The following DDHD1 variants were observed in gnomAD, a reference collection of about 807,000 sequenced individuals.
The protein encoded by DDHD1 is DDHD domain containing 1.
DDHD1 carries 49 observed loss-of-function variants against 96.4 expected under a neutral mutation model. The ratio of observed to expected loss-of-function variants is 0.51; its 90% CI spans 0.40 to 0.64. The LOEUF (loss-of-function observed/expected upper bound fraction) is 0.64. Among genes scored for constraint, DDHD1 ranks in the 30% least tolerant of loss-of-function variants. The pLI, the probability that DDHD1 is intolerant of heterozygous loss-of-function variation, is 0.00. For synonymous variants in DDHD1, 442 were observed against 446.5 expected (o/e 0.99, Z 0.13); for missense variants, 1,106 against 1,161.2 (o/e 0.95, Z 0.69).
rs147097867 is a variant in DDHD1 at position 53,133,927 on chromosome 14, G to A, written c.838+18334C>T. 3.9e-4 allele frequency among the ~76,000 whole-genome samples: 60 copies of A among 152,192 alleles called. No homozygotes were observed. The East Asian group carries it at 7.0e-3, about 18-fold the overall frequency. Reference sequence around the variant, plus strand: ...ATCTATAGTACCCCAACTGCCGTCCGCCTACAGGACCCTCCCCATTGGGTT... The same window carrying A: ...ATCTATAGTACCCCAACTGCCGTCCACCTACAGGACCCTCCCCATTGGGTT... On this transcript the variant is annotated intron_variant, in intron 1 of 12. Transcript: ENST00000673822.
intron 2 of DDHD1, among the ~76,000 whole-genome samples, chr14:53,095,288 C>A (rs1886795506): frequency 6.6e-6 from 1 of 152,090 alleles, no homozygotes; most frequent in Non-Finnish European, 1.5e-5. Context: ...TACAAAAATA[C>A]AGAGGTACAA....
At chr14:53,115,631 T>C (rs984177840) in intron 1 of DDHD1, among the ~76,000 whole-genome samples, 1 of 152,016 alleles carries the variant, frequency 6.6e-6, no homozygotes, top group African/African-American at 2.4e-5. Context: ...CAAACTAAGC[T>C]TCATAACCAA....
Position 53,058,575 on chromosome 14 carries a change from G to T in DDHD1, c.1894C>A (p.Arg632Ser). ...CCAGTATTTCCTGGGCGGATGCCAC[G>T]CAACGCCAAGAAAACTGCTAATGGG... is the stretch of plus-strand genomic sequence containing the variant. ...GSPLAVFLAL[R>S]GIRPGNTGSQ... Residue 632 changes from arginine to serine, a missense_variant, in exon 9 of 13, where the codon CGT becomes AGT. Around this residue, in one of 2 missense-constraint regions of DDHD1, gnomAD observed 650 missense variants for 758.8 expected, o/e 0.86. Coordinates refer to ENST00000673822, the MANE Select transcript of DDHD1 (RefSeq NM_001160148.2). 1 of 1,613,342 alleles carries T rather than the reference G, an allele frequency of 6.2e-7. No individual in the cohort carries two copies. Among genetic ancestry groups the T allele is most frequent in the Non-Finnish European group, 8.5e-7 (1 of 1,179,678 alleles).
In DDHD1 at chr14:53,054,447, C is replaced by G; in HGVS notation, c.2428G>C (p.Asp810His). ...TLPHSSSGFL[D>H]SAYFRLQESF... ...TAATGTATGAACTAACATGCAGAAT[C>G]GAGGAAGCCAGAACTGCTATGTGGA... is the stretch of plus-strand genomic sequence containing the variant. Residue 810 changes from aspartate (D) to histidine (H), a missense_variant, in exon 11 of 13, where the codon GAT (aspartate) becomes CAT (histidine). Transcript: ENST00000673822. The G allele has an allele frequency of 6.2e-7, 1 of 1,613,334 alleles. No homozygotes were observed.
intron 11 of DDHD1, 109 bp downstream of exon 11, chr14:53,054,329 C>T: frequency 1.1e-6 from 1 of 942,236 alleles, no homozygotes; most frequent in South Asian, 2.5e-5. Flanking sequence ...TTAAGGCACA[C>T]TTTAGATCTT....
chr14:53,091,527 A>C (rs982937510), intron 4 of DDHD1, among the ~76,000 whole-genome samples: 6 of 152,216 alleles, frequency 3.9e-5, no homozygotes, highest in Admixed American at 3.3e-4. Flanking sequence ...AAATTAACTT[A>C]ATGTATTAGA....
chr14:53,093,326 T>C lies in DDHD1; in HGVS notation c.1131A>G (p.Gly377=), dbSNP rs1227994604. 1 of 1,608,168 alleles carries C rather than the reference T, an allele frequency of 6.2e-7. No homozygotes were observed. Among genetic ancestry groups the C allele is most frequent in the Non-Finnish European group, 8.5e-7 (1 of 1,178,626 alleles). Residue 377 remains glycine (G), a synonymous_variant, in exon 3 of 13, where the codon GGA becomes GGG. Transcript: ENST00000673822. ...KIARTVTQKL[G]FSKASSSGTR... is the part of the protein sequence containing the mutation. ...ATATTTAACAATTACCTTTAGAAAA[T>C]CCCAGTTTTTGGGTAACTGTTCTTG...
chr14:53,047,512 G>A (rs1882120562), intron 12 of DDHD1, among the ~76,000 whole-genome samples: 1 of 152,076 alleles, frequency 6.6e-6, no homozygotes, highest in Non-Finnish European at 1.5e-5. Context: ...AAACCCTAGT[G>A]TCCATCCAGT....
chr14:53,062,035 C>CAA (rs779302322), intron 7 of DDHD1, among the ~76,000 whole-genome samples: 761 of 75,614 alleles, frequency 0.01, 1 homozygote, highest in East Asian at 0.018. Context: ...ACTCCGTCTC[C>CAA]AAAAAAAAAA....
intron 7 of DDHD1, 124 bp from the exon 8 acceptor site, chr14:53,061,325 G>A (rs1327375024): frequency 1.5e-6 from 1 of 676,022 alleles, no homozygotes; most frequent in Non-Finnish European, 2.3e-6. Flanking sequence ...ATTAATCCTG[G>A]TTGACAGTAT....
At chr14:53,152,113 G>GACAATGTAGGTGTAGAT in intron 1 of DDHD1, 148 bp downstream of exon 1, 9 of 833,732 alleles carry the variant, frequency 1.1e-5, no homozygotes, top group South Asian at 5.8e-5. Flanking sequence ...AGCTGCCGAC[G>GACAATGTAGGTGTAGAT]CTCCCTGCTC....
intron 1 of DDHD1, among the ~76,000 whole-genome samples, chr14:53,133,899 G>A (rs1457387923): frequency 5.3e-5 from 8 of 152,094 alleles, no homozygotes; most frequent in Non-Finnish European, 1.0e-4. Context: ...ACCCTACTTA[G>A]TCATCTATAG....
At chr14:53,133,074 C>T (rs999085143) in intron 1 of DDHD1, among the ~76,000 whole-genome samples, 9 of 152,164 alleles carry the variant, frequency 5.9e-5, no homozygotes, top group African/African-American at 2.2e-4. Flanking sequence ...GCTGCTAGCC[C>T]ATCTCTTAGA....
At chr14:53,056,199 T>C (rs1883041475) in intron 9 of DDHD1, among the ~76,000 whole-genome samples, 1 of 152,186 alleles carries the variant, frequency 6.6e-6, no homozygotes, top group African/African-American at 2.4e-5. Flanking sequence ...TTTATTTTAG[T>C]CTTAGGAGCA....
At chr14:53,047,655 G>C (rs1179010627) in intron 12 of DDHD1, among the ~76,000 whole-genome samples, 3 of 152,150 alleles carry the variant, frequency 2.0e-5, no homozygotes, top group Non-Finnish European at 2.9e-5. Flanking sequence ...GAAGGACTTT[G>C]CTTATAACAG....
chr14:53,093,283 T>C (rs949278882), intron 3 of DDHD1, 33 bp downstream of exon 3: 4 of 1,574,632 alleles, frequency 2.5e-6, no homozygotes, highest in Non-Finnish European at 3.4e-6. Context: ...ATTCCCAAAA[T>C]TTTGATAAGC....
intron 5 of DDHD1, 41 bp downstream of exon 5, chr14:53,073,700 T>C (rs1266219938): frequency 6.5e-7 from 1 of 1,528,390 alleles, no homozygotes; most frequent in Non-Finnish European, 8.9e-7. Flanking sequence ...TTGGTAAAAG[T>C]TTGCCATTGG....
intron 1 of DDHD1, among the ~76,000 whole-genome samples, chr14:53,137,648 C>T (rs1890333321): frequency 6.6e-6 from 1 of 151,808 alleles, no homozygotes. Flanking sequence ...GGCTACAGGG[C>T]AATATCAAAA....
chr14:53,120,838 TA>T (rs1293556321), intron 1 of DDHD1, among the ~76,000 whole-genome samples: 6 of 152,034 alleles, frequency 3.9e-5, no homozygotes, highest in African/African-American at 1.2e-4. Context: ...CCCCAAACCA[TA>T]AAAACCCTAG....
Sources: gnomAD v4.1 joint callset for allele counts (sites outside exome capture counted in the v4.1 genomes callset) on GRCh38, gnomAD v4.1.1 for gene constraint, gnomAD v4.1.1 regional missense constraint, MANE v1.5 for transcripts, NCBI Gene and HGNC (gene_info 2026-07-23, HGNC 2026-07-21) for gene names.